Variants in TSGA10 observed in about 807,000 individuals in gnomAD.
The protein encoded by TSGA10 is testis specific 10.
In TSGA10, 43 loss-of-function variants were observed where a neutral mutation model predicts 96.6. That is an observed-to-expected ratio of 0.44 (90% CI 0.35 to 0.57). The LOEUF is 0.57. Among genes scored for constraint, TSGA10 ranks in the 20% least tolerant of loss-of-function variants. The pLI is 0.01. For synonymous variants in TSGA10, 229 were observed against 269.9 expected (o/e 0.85, Z 1.48); for missense variants, 703 against 834.4 (o/e 0.84, Z 1.94).
At chr2:99,093,498 A>G (rs897626962) in intron 10 of TSGA10, among the ~76,000 whole-genome samples, 3 of 152,142 alleles carry the variant, frequency 2.0e-5, no homozygotes, top group Non-Finnish European at 4.4e-5. Flanking sequence ...GACCTAGAAA[A>G]TCCTAAAGAC....
chr2:99,119,234 G>A (rs11897712), intron 2 of TSGA10, among the ~76,000 whole-genome samples: 27,838 of 151,606 alleles, frequency 0.18, 2,961 homozygotes, highest in Admixed American at 0.28. Flanking sequence ...GCCATTTATT[G>A]TACCCAGTAA....
At chr2:99,025,943 T>A (rs917776676) in intron 17 of TSGA10, among the ~76,000 whole-genome samples, 1 of 152,246 alleles carries the variant, frequency 6.6e-6, no homozygotes, top group Non-Finnish European at 1.5e-5. Flanking sequence ...TCCATTGTGA[T>A]GGGAAAACAT....
At chr2:99,051,626 T>C (rs1320140528) in intron 16 of TSGA10, among the ~76,000 whole-genome samples, 8 of 151,914 alleles carry the variant, frequency 5.3e-5, no homozygotes, top group African/African-American at 1.9e-4. Context: ...TATAAACCAA[T>C]CAGGCCTAGA....
chr2:99,147,511 AAG>A, intron 1 of TSGA10: 1 of 1,612,380 alleles, frequency 6.2e-7, no homozygotes, highest in Non-Finnish European at 8.5e-7. Context: ...TCACAGGGCC[AAG>A]TCTACCCTAT....
intron 10 of TSGA10, among the ~76,000 whole-genome samples, chr2:99,091,926 A>C: frequency 6.6e-6 from 1 of 152,164 alleles, no homozygotes; most frequent in East Asian, 1.9e-4. Context: ...GACTATACCC[A>C]AATGGACTTA....
At chr2:99,067,772 G>A (rs148880999) in intron 15 of TSGA10, among the ~76,000 whole-genome samples, 1 of 152,092 alleles carries the variant, frequency 6.6e-6, no homozygotes, top group Admixed American at 6.5e-5. Context: ...GCTTGAACAT[G>A]GGAGGCAAAG....
chr2:99,005,869 A>G (rs1281033889), intron 20 of TSGA10, among the ~76,000 whole-genome samples: 1 of 152,248 alleles, frequency 6.6e-6, no homozygotes, highest in African/African-American at 2.4e-5. Context: ...AGCTGGAGGC[A>G]TCACGTTACC....
chr2:99,136,798 C>CAAAAAAAA lies in TSGA10; in HGVS notation c.-620-9630_-620-9623dup. On this transcript the variant is annotated intron_variant, in intron 1 of 20. Coordinates refer to ENST00000393483, the MANE Select transcript of TSGA10 (RefSeq NM_025244.4). ...TGGGCGACAGAGCGAGACTCCATCT[C>CAAAAAAAA]AAAAAAAAAAAAAAAAAAAAAAAAA... Among the ~76,000 whole-genome samples the CAAAAAAAA allele has an allele frequency of 3.3e-3, 10 of 3,042 alleles. 4 individuals are homozygous for CAAAAAAAA. The highest frequency in any genetic ancestry group is 0.011 in the Non-Finnish European group (10 of 926). The allele number at this position is 3,042 out of a possible 152,430, so 2.0% of individuals were successfully genotyped here.
At chr2:99,104,896 A>G (rs1349035557) in intron 9 of TSGA10, among the ~76,000 whole-genome samples, 1 of 152,222 alleles carries the variant, frequency 6.6e-6, no homozygotes, top group East Asian at 1.9e-4. Flanking sequence ...AATATCATCA[A>G]TATATATTCG....
chr2:99,113,467 T>G (rs1198544113), intron 4 of TSGA10, among the ~76,000 whole-genome samples: 1 of 152,190 alleles, frequency 6.6e-6, no homozygotes, highest in Non-Finnish European at 1.5e-5. Context: ...CTCCTGCCAA[T>G]AGCCAAAAGC....
At chr2:99,116,458 G>C (rs1211187672) in intron 4 of TSGA10, among the ~76,000 whole-genome samples, 1 of 151,982 alleles carries the variant, frequency 6.6e-6, no homozygotes, top group African/African-American at 2.4e-5. Flanking sequence ...AAAACAAATA[G>C]TCCAGAAAGT....
intron 2 of TSGA10, chr2:99,125,169 A>C (rs2092763033): frequency 6.6e-6 from 1 of 152,132 alleles, no homozygotes; most frequent in South Asian, 2.1e-4. Flanking sequence ...ACATGTTTTC[A>C]AGGTTCACTC....
At chr2:99,068,084 TG>T (rs1396600023) in intron 15 of TSGA10, among the ~76,000 whole-genome samples, 1 of 152,202 alleles carries the variant, frequency 6.6e-6, no homozygotes, top group African/African-American at 2.4e-5. Flanking sequence ...GGAAACCACG[TG>T]CTTTTCCTAC....
At chr2:99,113,467 T>C (rs1198544113) in intron 4 of TSGA10, among the ~76,000 whole-genome samples, 2 of 152,190 alleles carry the variant, frequency 1.3e-5, no homozygotes, top group Non-Finnish European at 2.9e-5. Context: ...CTCCTGCCAA[T>C]AGCCAAAAGC....
chr2:99,097,557 GAAT>G (rs2090204312), intron 10 of TSGA10, among the ~76,000 whole-genome samples: 1 of 152,058 alleles, frequency 6.6e-6, no homozygotes, highest in African/African-American at 2.4e-5. Flanking sequence ...ATCACTAAAA[GAAT>G]AATAAATGAG....
intron 10 of TSGA10, among the ~76,000 whole-genome samples, chr2:99,082,957 A>C (rs2087709381): frequency 6.6e-6 from 1 of 152,116 alleles, no homozygotes; most frequent in Non-Finnish European, 1.5e-5. Context: ...ACAAGTTAAA[A>C]ATACAGAATA....
chr2:99,107,985 C>T (rs2091494322), intron 7 of TSGA10, among the ~76,000 whole-genome samples: 1 of 152,148 alleles, frequency 6.6e-6, no homozygotes, highest in East Asian at 1.9e-4. Context: ...TTATCCTTTG[C>T]CTCATACCAT....
intron 20 of TSGA10, among the ~76,000 whole-genome samples, chr2:99,015,843 C>CTA: frequency 6.6e-6 from 1 of 152,162 alleles, no homozygotes; most frequent in Non-Finnish European, 1.5e-5. Flanking sequence ...CTGCTATACA[C>CTA]CAACAGCAAT....
At chr2:99,025,603 C>A (rs1320653139) in intron 17 of TSGA10, among the ~76,000 whole-genome samples, 1 of 152,064 alleles carries the variant, frequency 6.6e-6, no homozygotes, top group Non-Finnish European at 1.5e-5. Flanking sequence ...CTGTTCTAAT[C>A]TTGATTATTA....
Sources: gnomAD v4.1 joint callset for allele counts (sites outside exome capture counted in the v4.1 genomes callset) on GRCh38, gnomAD v4.1.1 for gene constraint, MANE v1.5 for transcripts, NCBI Gene and HGNC (gene_info 2026-07-23, HGNC 2026-07-21) for gene names.